Variants in CBLB observed in about 807,000 individuals in gnomAD.
CBLB encodes E3 ubiquitin-protein ligase CBL-B.
A neutral mutation model predicts 104.9 loss-of-function variants in CBLB; 31 were observed. The ratio of observed to expected loss-of-function variants is 0.30; its 90% CI spans 0.22 to 0.40. The LOEUF is 0.40. Ranked by LOEUF, CBLB falls within the 10% of genes least tolerant of loss-of-function variation. The pLI is 1.00. For missense variants in CBLB, 1,062 were observed against 1,214.6 expected (o/e 0.87, Z 1.87); for synonymous variants, 440 against 422.6 (o/e 1.04, Z -0.51).
chr3:105,691,124 T>C (rs759064861), intron 13 of CBLB, among the ~76,000 whole-genome samples: 8 of 152,234 alleles, frequency 5.3e-5, no homozygotes, highest in Non-Finnish European at 7.3e-5. Context: ...CTTTTTTCTT[T>C]CTCTTATATA....
At position 105,828,878 on chromosome 3, in the gene CBLB, G is replaced by A. The variant is rs140454734; in HGVS notation, c.419+24536C>T. Among the ~76,000 whole-genome samples the A allele has an allele frequency of 4.6e-5, 7 of 152,198 alleles. No individual in the cohort carries two copies. In the East Asian group the frequency reaches 1.2e-3, roughly 25 times the overall value. ...GAAGTTTTATACAACGTTCTCTTGGGACATTTCATGACATCACCTACAAAG... is the reference window on the plus strand; with the variant it reads ...GAAGTTTTATACAACGTTCTCTTGGAACATTTCATGACATCACCTACAAAG... On this transcript the variant is annotated intron_variant, in intron 3 of 18. Transcript: ENST00000394030.
intron 4 of CBLB, among the ~76,000 whole-genome samples, chr3:105,755,731 A>G (rs192108132): frequency 1.3e-5 from 2 of 152,230 alleles, no homozygotes; most frequent in South Asian, 2.1e-4. Flanking sequence ...TCAAAAGCCT[A>G]TACATTATGA....
intron 14 of CBLB, among the ~76,000 whole-genome samples, chr3:105,684,698 G>A (rs576337456): frequency 2.8e-4 from 43 of 151,978 alleles, no homozygotes; most frequent in African/African-American, 9.9e-4. Flanking sequence ...GATTACAGGC[G>A]CCCACCACCA....
chr3:105,838,083 C>CT (rs11294272), intron 3 of CBLB, among the ~76,000 whole-genome samples: 2,871 of 116,316 alleles, frequency 0.025, 84 homozygotes, highest in East Asian at 0.13. Flanking sequence ...TCCTTTTTTT[C>CT]TTTTTTTTTT....
chr3:105,773,695 T>C (rs2079133422), intron 4 of CBLB, among the ~76,000 whole-genome samples: 1 of 152,236 alleles, frequency 6.6e-6, no homozygotes, highest in African/African-American at 2.4e-5. Context: ...TTCAGTTTAG[T>C]ATTGGTCTCA....
intron 13 of CBLB, among the ~76,000 whole-genome samples, chr3:105,689,371 A>G (rs554507510): frequency 1.4e-3 from 212 of 151,438 alleles, no homozygotes; most frequent in Non-Finnish European, 2.5e-3. Context: ...TACCACCTCC[A>G]ACAACAAAAA....
At chr3:105,821,665 C>T (rs1021387365) in intron 3 of CBLB, among the ~76,000 whole-genome samples, 1 of 152,154 alleles carries the variant, frequency 6.6e-6, no homozygotes, top group African/African-American at 2.4e-5. Flanking sequence ...ATCATCCAAC[C>T]TATGACCCTG....
At chr3:105,842,721 G>C (rs564632053) in intron 3 of CBLB, among the ~76,000 whole-genome samples, 12 of 152,256 alleles carry the variant, frequency 7.9e-5, no homozygotes, top group African/African-American at 2.9e-4. Context: ...AGCTGCAACA[G>C]GAATTCCACA....
intron 2 of CBLB, among the ~76,000 whole-genome samples, chr3:105,860,346 G>A (rs181119009): frequency 1.5e-3 from 235 of 152,288 alleles, no homozygotes; most frequent in African/African-American, 4.9e-3. Flanking sequence ...AAAGTTTGGA[G>A]AAGAATTTGA....
intron 12 of CBLB, among the ~76,000 whole-genome samples, chr3:105,698,897 G>A (rs977808809): frequency 6.6e-6 from 1 of 151,964 alleles, no homozygotes; most frequent in African/African-American, 2.4e-5. Context: ...CTTCTGCAGA[G>A]GAACAAAAAT....
intron 3 of CBLB, among the ~76,000 whole-genome samples, chr3:105,799,177 C>CAAAAAAAAA (rs11372400): frequency 7.1e-5 from 5 of 70,190 alleles, no homozygotes; most frequent in South Asian, 4.9e-4. Context: ...TGACAAAGAA[C>CAAAAAAAAA]AAAAAAAAAA....
At chr3:105,862,646 TCAAAGCACAGCC>T (rs1560580339) in intron 2 of CBLB, among the ~76,000 whole-genome samples, 1 of 152,218 alleles carries the variant, frequency 6.6e-6, no homozygotes, top group African/African-American at 2.4e-5. Context: ...AAGTATTCTA[TCAAAGCACAGCC>T]CTGAAGTTTT....
intron 4 of CBLB, among the ~76,000 whole-genome samples, chr3:105,768,094 A>G (rs906767408): frequency 1.3e-5 from 2 of 152,218 alleles, no homozygotes; most frequent in Non-Finnish European, 2.9e-5. Context: ...TTAGAAATAC[A>G]AAGATGAATA....
At chr3:105,730,399 G>T (rs930579068) in intron 9 of CBLB, among the ~76,000 whole-genome samples, 4 of 152,034 alleles carry the variant, frequency 2.6e-5, no homozygotes, top group African/African-American at 4.8e-5. Flanking sequence ...GAAAAGTATT[G>T]TAAGAGCTTT....
chr3:105,747,641 A>C (rs565113416), intron 5 of CBLB, among the ~76,000 whole-genome samples: 1 of 152,224 alleles, frequency 6.6e-6, no homozygotes, highest in South Asian at 2.1e-4. Flanking sequence ...TGCATTAAAC[A>C]TTACTTGGAA....
In CBLB at chr3:105,669,638, C is replaced by T. The variant is rs540521143; in HGVS notation, c.2689+595G>A. Among the ~76,000 whole-genome samples the T allele has an allele frequency of 1.2e-4, 19 of 152,010 alleles. No individual in the cohort carries two copies. In the East Asian group the frequency reaches 1.7e-3, roughly 14 times the overall value. Reference sequence around the variant, plus strand: ...TGAATAACAAAATTTTAAGTAGTGACGGGTGCTATGAAGAAAAATAAAGCA... The same window carrying T: ...TGAATAACAAAATTTTAAGTAGTGATGGGTGCTATGAAGAAAAATAAAGCA... On this transcript the variant is annotated intron_variant, in intron 18 of 18. Coordinates refer to ENST00000394030, the MANE Select transcript of CBLB (RefSeq NM_170662.5).
chr3:105,810,202 A>C (rs1253177783), intron 3 of CBLB, among the ~76,000 whole-genome samples: 1 of 152,150 alleles, frequency 6.6e-6, no homozygotes, highest in Non-Finnish European at 1.5e-5. Flanking sequence ...GCCAATTCAA[A>C]GAGATTTTCT....
intron 9 of CBLB, among the ~76,000 whole-genome samples, chr3:105,729,755 C>A (rs968411735): frequency 6.6e-6 from 1 of 152,010 alleles, no homozygotes; most frequent in African/African-American, 2.4e-5. Flanking sequence ...ATTACAGATA[C>A]GAGACCTTCA....
At chr3:105,721,480 A>G (rs890644455) in intron 9 of CBLB, among the ~76,000 whole-genome samples, 4 of 152,212 alleles carry the variant, frequency 2.6e-5, no homozygotes, top group African/African-American at 9.6e-5. Flanking sequence ...TTTGCCAAAC[A>G]AAGTGTCAAA....
Sources: gnomAD v4.1 joint callset for allele counts (sites outside exome capture counted in the v4.1 genomes callset) on GRCh38, gnomAD v4.1.1 for gene constraint, MANE v1.5 for transcripts, NCBI Gene and HGNC (gene_info 2026-07-23, HGNC 2026-07-21) for gene names.